SLIT2: variants seen among roughly 807,000 people sequenced by gnomAD.
SLIT2 encodes slit guidance ligand 2, also known as slit homolog 2 protein.
Under a neutral mutation model 185.7 loss-of-function variants are expected in SLIT2, and 41 were observed. The observed-to-expected ratio is 0.22, with a 90% CI of 0.17 to 0.29. The LOEUF (loss-of-function observed/expected upper bound fraction) is 0.29, where lower values mean the gene tolerates loss of function less well. SLIT2 is among the 10% of genes least tolerant of loss of function. The probability of loss-of-function intolerance (pLI) is 1.00; values close to 1 mark genes in which losing one functional copy is unlikely to be tolerated. For missense variants in SLIT2, 1,571 were observed against 1,909.0 expected (o/e 0.82, Z 3.30); for synonymous variants, 693 against 680.2 (o/e 1.02, Z -0.29).
At chr4:20,439,778 TAC>T (rs1452512490) in intron 4 of SLIT2, among the ~76,000 whole-genome samples, 2 of 152,166 alleles carry the variant, frequency 1.3e-5, no homozygotes, top group East Asian at 3.9e-4. Context: ...TCTGAACCCG[TAC>T]AAAGATTTAG....
chr4:20,298,028 G>T (rs1716653867), intron 4 of SLIT2, among the ~76,000 whole-genome samples: 1 of 151,860 alleles, frequency 6.6e-6, no homozygotes, highest in South Asian at 2.1e-4. Context: ...CTTGAGTACT[G>T]GATCCTAAAG....
At chr4:20,290,014 T>C (rs960976696) in intron 4 of SLIT2, among the ~76,000 whole-genome samples, 5 of 152,156 alleles carry the variant, frequency 3.3e-5, no homozygotes, top group African/African-American at 9.7e-5. Flanking sequence ...CGCCACAGGG[T>C]CTTTGCACAT....
chr4:20,612,483 C>T (rs915551520), intron 34 of SLIT2, among the ~76,000 whole-genome samples: 1 of 152,102 alleles, frequency 6.6e-6, no homozygotes, highest in Admixed American at 6.5e-5. Context: ...CACTTTCTCC[C>T]CGCTTAGAGT....
chr4:20,582,319 T>A lies in SLIT2; in HGVS notation c.3089-7325T>A, dbSNP rs550418731. 1.2e-4 allele frequency among the ~76,000 whole-genome samples: 19 copies of A among 152,308 alleles called. No homozygotes were observed. In the South Asian group the frequency reaches 2.5e-3, roughly 20 times the overall value. On this transcript the variant is annotated intron_variant, in intron 29 of 36. Transcript: ENST00000504154. ...CACCTCTTCAGAAGAATCTCTCCTG[T>A]CCTTCTTCAGAGGAAACAGTCCCTT... is the stretch of plus-strand genomic sequence containing the variant.
rs530418410 is a variant in SLIT2, at chr4:20,278,190, C to T, written c.395+9309C>T. On this transcript the variant is annotated intron_variant, in intron 4 of 36. Coordinates refer to ENST00000504154, the MANE Select transcript of SLIT2 (RefSeq NM_004787.4). ...ATGATGTAGTCTTTTTCTAAATACACTGTTTATGTTCACACTGAAACAGAA... is the reference window on the plus strand; with the variant it reads ...ATGATGTAGTCTTTTTCTAAATACATTGTTTATGTTCACACTGAAACAGAA... 6.3e-4 allele frequency among the ~76,000 whole-genome samples: 96 copies of T among 151,496 alleles called. No homozygotes were observed. The South Asian group carries it at 0.02, about 31-fold the overall frequency.
chr4:20,467,587 A>T, intron 4 of SLIT2, among the ~76,000 whole-genome samples, 165 bp from the exon 5 acceptor site: 1 of 147,152 alleles, frequency 6.8e-6, no homozygotes, highest in East Asian at 1.9e-4. Flanking sequence ...TAGAAATATA[A>T]AATATTTATA....
chr4:20,347,872 G>A (rs1260391840), intron 4 of SLIT2, among the ~76,000 whole-genome samples: 1 of 152,188 alleles, frequency 6.6e-6, no homozygotes, highest in African/African-American at 2.4e-5. Context: ...TTTATGCTGT[G>A]TATAATGAGC....
chr4:20,265,443 A>G (rs1712930586), intron 3 of SLIT2, among the ~76,000 whole-genome samples: 1 of 151,932 alleles, frequency 6.6e-6, no homozygotes, highest in Non-Finnish European at 1.5e-5. Context: ...ACTGCTTTAA[A>G]GACAATAAAA....
In SLIT2 at chr4:20,613,037, A is replaced by T. The variant is rs189303385; in HGVS notation, c.3847+2870A>T. Among the ~76,000 whole-genome samples the T allele has an allele frequency of 2.0e-5, 3 of 152,264 alleles. No homozygotes were observed. In the East Asian group the frequency reaches 5.8e-4, roughly 29 times the overall value. On this transcript the variant is annotated intron_variant, in intron 34 of 36. Coordinates refer to ENST00000504154, the MANE Select transcript of SLIT2 (RefSeq NM_004787.4). Reference sequence around the variant, plus strand: ...GGCAAGGTTGTGGAGAAAAAGGAACACTTATATACTGTTGGCAGAAATGTA... The same window carrying T: ...GGCAAGGTTGTGGAGAAAAAGGAACTCTTATATACTGTTGGCAGAAATGTA...
At chr4:20,513,139 C>T (rs971374140) in intron 11 of SLIT2, among the ~76,000 whole-genome samples, 6 of 152,258 alleles carry the variant, frequency 3.9e-5, no homozygotes, top group East Asian at 1.9e-4. Context: ...AGAGCACTCA[C>T]GCACACAGTT....
At chr4:20,310,108 T>C (rs1717963111) in intron 4 of SLIT2, among the ~76,000 whole-genome samples, 1 of 152,086 alleles carries the variant, frequency 6.6e-6, no homozygotes, top group Non-Finnish European at 1.5e-5. Flanking sequence ...ATCAGCTACT[T>C]TGCACAAAAT....
chr4:20,607,370 C>T (rs1348551652), intron 33 of SLIT2, among the ~76,000 whole-genome samples: 1 of 152,122 alleles, frequency 6.6e-6, no homozygotes, highest in Admixed American at 6.6e-5. Context: ...CTATAGATAT[C>T]ATCTAGGAGT....
chr4:20,418,574 A>T (rs1727892538), intron 4 of SLIT2, among the ~76,000 whole-genome samples: 3 of 152,356 alleles, frequency 2.0e-5, no homozygotes, highest in African/African-American at 7.2e-5. Flanking sequence ...TTGACAACCC[A>T]CAGTGAAAAC....
At chr4:20,581,806 G>A (rs1197894965) in intron 29 of SLIT2, among the ~76,000 whole-genome samples, 1 of 152,124 alleles carries the variant, frequency 6.6e-6, no homozygotes, top group African/African-American at 2.4e-5. Flanking sequence ...TAGTGCAGTG[G>A]TGCAATCTCT....
chr4:20,399,202 A>C (rs1423086380), intron 4 of SLIT2, among the ~76,000 whole-genome samples: 1 of 151,876 alleles, frequency 6.6e-6, no homozygotes, highest in African/African-American at 2.4e-5. Context: ...CTTTTATGCT[A>C]TGGCTGGATT....
At chr4:20,335,419 T>C (rs781770756) in intron 4 of SLIT2, among the ~76,000 whole-genome samples, 2 of 152,218 alleles carry the variant, frequency 1.3e-5, no homozygotes, top group Non-Finnish European at 2.9e-5. Context: ...TTTGAAATGT[T>C]ACAATGCCAT....
At chr4:20,547,599 C>A (rs1311920234) in intron 22 of SLIT2, among the ~76,000 whole-genome samples, 1 of 151,606 alleles carries the variant, frequency 6.6e-6, no homozygotes, top group Non-Finnish European at 1.5e-5. Context: ...CTCGGTTTTT[C>A]TGAATCTTCC....
At chr4:20,371,679 A>G (rs1480856398) in intron 4 of SLIT2, among the ~76,000 whole-genome samples, 2 of 152,062 alleles carry the variant, frequency 1.3e-5, no homozygotes, top group African/African-American at 4.8e-5. Context: ...CCGAGAGGGA[A>G]AAATGCACTG....
Position 20,253,619 on chromosome 4 carries a change from G to T in SLIT2, c.-197G>T. 1 of 620,622 alleles carries T rather than the reference G, an allele frequency of 1.6e-6. No homozygotes were observed. The allele number at this position is 620,622 out of a possible 1,614,324, so 38.4% of individuals were successfully genotyped here. ...AAGGAGCTCCTGCTCTGCCAGAGGA[G>T]GGTGGAGAGGGCGGTGGGAGGCGTG... On this transcript the variant is annotated 5_prime_UTR_variant, in exon 1 of 37. It adds an upstream start codon to the 5' untranslated region. Coordinates refer to ENST00000504154, the MANE Select transcript of SLIT2 (RefSeq NM_004787.4).
Sources: gnomAD v4.1 joint callset for allele counts (sites outside exome capture counted in the v4.1 genomes callset) on GRCh38, gnomAD v4.1.1 for gene constraint, MANE v1.5 for transcripts, NCBI Gene and HGNC (gene_info 2026-07-23, HGNC 2026-07-21) for gene names.